The following SPOCK3 variants were observed in gnomAD, a reference collection of about 807,000 sequenced individuals.
SPOCK3 encodes SPARC (osteonectin), cwcv and kazal like domains proteoglycan 3.
In SPOCK3, 30 loss-of-function variants were observed where a neutral mutation model predicts 56.6. The ratio of observed to expected loss-of-function variants is 0.53; its 90% CI spans 0.40 to 0.72. The LOEUF is 0.72. Ranked by LOEUF, SPOCK3 falls within the 30% of genes least tolerant of loss-of-function variation. SPOCK3 has a pLI of 0.00. For missense variants in SPOCK3, 527 were observed against 530.0 expected (o/e 0.99, Z 0.06); for synonymous variants, 196 against 183.3 (o/e 1.07, Z -0.56).
chr4:166,776,921 T>C (rs1417094731), intron 7 of SPOCK3, among the ~76,000 whole-genome samples: 3 of 152,186 alleles, frequency 2.0e-5, no homozygotes, highest in Admixed American at 6.5e-5. Context: ...AAAGTAATGA[T>C]TTAAAATAAT....
chr4:166,823,545 C>T (rs1388732605), intron 6 of SPOCK3, among the ~76,000 whole-genome samples: 2 of 152,038 alleles, frequency 1.3e-5, no homozygotes, highest in African/African-American at 2.4e-5. Flanking sequence ...ACCAAAACAA[C>T]AACAACAATA....
intron 6 of SPOCK3, among the ~76,000 whole-genome samples, chr4:166,867,794 G>C (rs922903722): frequency 6.6e-6 from 1 of 151,640 alleles, no homozygotes; most frequent in African/African-American, 2.4e-5. Context: ...TTAAGTACCA[G>C]ATACTAATTT....
chr4:167,051,989 C>T (rs1382221146), intron 3 of SPOCK3, among the ~76,000 whole-genome samples: 1 of 151,974 alleles, frequency 6.6e-6, no homozygotes, highest in Admixed American at 6.6e-5. Flanking sequence ...TATAATTTGC[C>T]TTCTTGCACA....
chr4:167,000,856 C>T (rs1236707727), intron 3 of SPOCK3, among the ~76,000 whole-genome samples: 1 of 152,102 alleles, frequency 6.6e-6, no homozygotes, highest in Non-Finnish European at 1.5e-5. Context: ...GAGATAAATG[C>T]TGGTGGGTCA....
chr4:167,012,491 T>C (rs1750179668), intron 3 of SPOCK3, among the ~76,000 whole-genome samples: 3 of 151,974 alleles, frequency 2.0e-5, no homozygotes, highest in South Asian at 4.1e-4. Context: ...GATGTAGTTA[T>C]ATTAGGTGAT....
intron 2 of SPOCK3, among the ~76,000 whole-genome samples, chr4:167,183,603 T>C (rs1423142161): frequency 1.3e-5 from 2 of 152,310 alleles, no homozygotes; most frequent in East Asian, 3.9e-4. Flanking sequence ...ATAAAAGCCT[T>C]GTGATATTCA....
At chr4:167,130,528 T>A (rs1328015208) in intron 2 of SPOCK3, among the ~76,000 whole-genome samples, 1 of 152,150 alleles carries the variant, frequency 6.6e-6, no homozygotes, top group Non-Finnish European at 1.5e-5. Context: ...AATATGTCAT[T>A]TGTGAAAGTT....
chr4:166,844,958 T>C (rs1435798917), intron 6 of SPOCK3, among the ~76,000 whole-genome samples: 5 of 152,266 alleles, frequency 3.3e-5, no homozygotes, highest in African/African-American at 4.8e-5. Context: ...TTTTTCTTTG[T>C]TGATATTTGG....
chr4:166,906,311 C>G (rs1273248894), intron 5 of SPOCK3, among the ~76,000 whole-genome samples: 2 of 151,938 alleles, frequency 1.3e-5, no homozygotes, highest in Non-Finnish European at 2.9e-5. Flanking sequence ...ATGCTATAAA[C>G]GATTCTGCAA....
At chr4:167,194,415 T>C (rs528901953) in intron 2 of SPOCK3, among the ~76,000 whole-genome samples, 1 of 152,164 alleles carries the variant, frequency 6.6e-6, no homozygotes, top group Non-Finnish European at 1.5e-5. Flanking sequence ...AGCTTATAGA[T>C]CTCCATTTCT....
At chr4:167,011,196 C>CAA (rs200494634) in intron 3 of SPOCK3, 4 of 407,434 alleles carry the variant, frequency 9.8e-6, no homozygotes, top group Admixed American at 2.6e-5. Flanking sequence ...GTAAAAAATA[C>CAA]AAAAAAAAAT....
chr4:166,847,208 G>A lies in SPOCK3; in HGVS notation c.589+41922C>T, dbSNP rs532334732. Among the ~76,000 whole-genome samples the A allele has an allele frequency of 2.0e-5, 3 of 152,226 alleles. No individual in the cohort carries two copies. The South Asian group carries it at 6.2e-4, about 32-fold the overall frequency. ...AGACAGATGTAAGTTTCTTTTTCAAGCTAAGTGCTTTTCATTTACCAGTTG... is the reference window on the plus strand; with the variant it reads ...AGACAGATGTAAGTTTCTTTTTCAAACTAAGTGCTTTTCATTTACCAGTTG... On this transcript the variant is annotated intron_variant, in intron 6 of 10. Coordinates refer to ENST00000357545, the MANE Select transcript of SPOCK3 (RefSeq NM_001040159.2).
chr4:166,783,968 T>A (rs576207911), intron 7 of SPOCK3, among the ~76,000 whole-genome samples: 1 of 152,270 alleles, frequency 6.6e-6, no homozygotes, highest in African/African-American at 2.4e-5. Flanking sequence ...TCATTGTTTT[T>A]TTTTGGGGGG....
chr4:166,872,317 T>C lies in SPOCK3; in HGVS notation c.589+16813A>G, dbSNP rs546567171. Among the ~76,000 whole-genome samples, 9 of 152,110 alleles carry C rather than the reference T, an allele frequency of 5.9e-5. No individual in the cohort carries two copies. The East Asian group carries it at 1.7e-3, about 29-fold the overall frequency. On this transcript the variant is annotated intron_variant, in intron 6 of 10. Transcript: ENST00000357545. ...ACAACATTACTGGCTACATAGAAAA[T>C]GCTAAAGAATCTACAAAAGTCTCCT...
At chr4:167,178,940 A>G (rs927074977) in intron 2 of SPOCK3, among the ~76,000 whole-genome samples, 11 of 152,188 alleles carry the variant, frequency 7.2e-5, no homozygotes, top group African/African-American at 2.7e-4. Flanking sequence ...GTTTGAAATT[A>G]TGTCATATCA....
At chr4:166,921,911 T>C (rs1253107436) in intron 4 of SPOCK3, among the ~76,000 whole-genome samples, 1 of 152,138 alleles carries the variant, frequency 6.6e-6, no homozygotes, top group African/African-American at 2.4e-5. Context: ...ACTGTTTAGT[T>C]ATTTGCTCAT....
intron 6 of SPOCK3, among the ~76,000 whole-genome samples, chr4:166,853,443 A>G (rs1730341197): frequency 6.6e-6 from 1 of 152,230 alleles, no homozygotes. Flanking sequence ...ATAGAGGACC[A>G]TATTTTCTTT....
At chr4:166,791,286 AGAGG>A in intron 7 of SPOCK3, among the ~76,000 whole-genome samples, 1 of 152,244 alleles carries the variant, frequency 6.6e-6, no homozygotes, top group Non-Finnish European at 1.5e-5. Context: ...AGGAATCTAC[AGAGG>A]ATTATCTTAC....
chr4:167,199,928 G>GA (rs1235482032), intron 2 of SPOCK3, among the ~76,000 whole-genome samples: 16 of 151,050 alleles, frequency 1.1e-4, no homozygotes, highest in African/African-American at 9.7e-5. Context: ...TACTAAAAAT[G>GA]AAAAAAACCC....
Sources: allele counts gnomAD v4.1 joint callset (sites outside exome capture counted in the v4.1 genomes callset), GRCh38; gene constraint gnomAD v4.1.1; transcripts MANE v1.5; gene names NCBI Gene and HGNC (gene_info 2026-07-23, HGNC 2026-07-21).